TAFA2: variants seen among roughly 807,000 people sequenced by gnomAD.
The protein encoded by TAFA2 is chemokine-like protein TAFA-2.
Under a neutral mutation model 18.8 loss-of-function variants are expected in TAFA2, and 7 were observed. That is an observed-to-expected ratio of 0.37 (90% CI 0.21 to 0.70). TAFA2 has a LOEUF of 0.70. Ranked by LOEUF, TAFA2 falls within the 30% of genes least tolerant of loss-of-function variation. The probability of loss-of-function intolerance (pLI) is 0.53; values close to 1 mark genes in which losing one functional copy is unlikely to be tolerated. For missense variants in TAFA2, 122 were observed against 158.1 expected, an observed-to-expected ratio of 0.77 and a Z score of 1.23; for synonymous variants, 60 against 54.2, an observed-to-expected ratio of 1.11 and a Z score of -0.47.
chr12:62,234,598 C>G (rs1459220525), intron 1 of TAFA2: 1 of 823,174 alleles, frequency 1.2e-6, no homozygotes, highest in South Asian at 1.3e-5. Flanking sequence ...ACACCTTTCC[C>G]GTTGCACAAA....
At chr12:62,243,263 A>C (rs1055949529) in intron 1 of TAFA2, among the ~76,000 whole-genome samples, 24 of 152,194 alleles carry the variant, frequency 1.6e-4, no homozygotes, top group Non-Finnish European at 2.2e-4. Flanking sequence ...CTGATAAAAG[A>C]AGCATGGCAG....
rs113174882 is a variant in TAFA2, at chr12:61,921,654, A to G, written c.-1-54228T>C. 7.3e-3 allele frequency among the ~76,000 whole-genome samples: 1,114 copies of G among 152,280 alleles called. 14 individuals carry two copies. Among genetic ancestry groups the G allele is most frequent in the African/African-American group, 0.025 (1,058 of 41,550 alleles). ...ATTTGAGCTGTCTATTAATTCTGCAATTAGAATTGTTCAATAAAGTAACTG... is the reference window on the plus strand; with the variant it reads ...ATTTGAGCTGTCTATTAATTCTGCAGTTAGAATTGTTCAATAAAGTAACTG... On this transcript the variant is annotated intron_variant, in intron 1 of 4. Transcript: ENST00000416284.
At chr12:62,144,098 T>C (rs2062261450) in intron 1 of TAFA2, among the ~76,000 whole-genome samples, 1 of 139,638 alleles carries the variant, frequency 7.2e-6, no homozygotes, top group Admixed American at 7.2e-5. Flanking sequence ...ACGATGACCA[T>C]AGAGTTGATA....
At chr12:61,836,756 T>TATATATATATATATATATATATACATAC (rs68158949) in intron 2 of TAFA2, among the ~76,000 whole-genome samples, 2 of 119,842 alleles carry the variant, frequency 1.7e-5, no homozygotes, top group East Asian at 5.5e-4. Flanking sequence ...TATATATATA[T>TATATATATATATATATATATATACATAC]ACACACACAC....
chr12:61,947,529 A>C (rs1878320006), intron 1 of TAFA2, among the ~76,000 whole-genome samples: 1 of 152,128 alleles, frequency 6.6e-6, no homozygotes, highest in Admixed American at 6.6e-5. Flanking sequence ...GCTTCTCACA[A>C]AACCTGAAAA....
rs149441697 is a variant in TAFA2 at position 62,029,440 on chromosome 12, T to A, written c.-2+161819A>T. On this transcript the variant is annotated intron_variant, in intron 1 of 4. Coordinates refer to ENST00000416284, the MANE Select transcript of TAFA2 (RefSeq NM_178539.5). Reference sequence around the variant, plus strand: ...GTTAACAAACTCATCTAAGGTCACATAGCTAATAATTAGCAGGTTGTCTGC... The same window carrying A: ...GTTAACAAACTCATCTAAGGTCACAAAGCTAATAATTAGCAGGTTGTCTGC... Among the ~76,000 whole-genome samples the A allele has an allele frequency of 3.3e-3, 507 of 152,276 alleles. 4 individuals are homozygous for A. Among genetic ancestry groups the A allele is most frequent in the African/African-American group, 0.011 (472 of 41,558 alleles).
chr12:61,753,196 T>C (rs1439484624), intron 4 of TAFA2, among the ~76,000 whole-genome samples: 1 of 152,048 alleles, frequency 6.6e-6, no homozygotes, highest in East Asian at 1.9e-4. Context: ...AATAATTACT[T>C]TCATAAAACT....
chr12:62,215,300 C>G (rs2136975267), intron 1 of TAFA2, among the ~76,000 whole-genome samples: 1 of 152,224 alleles, frequency 6.6e-6, no homozygotes, highest in South Asian at 2.1e-4. Flanking sequence ...TGTGTCTTAT[C>G]TCTAAATCAT....
chr12:62,128,374 G>A (rs1011896018), intron 1 of TAFA2, among the ~76,000 whole-genome samples: 2 of 151,976 alleles, frequency 1.3e-5, no homozygotes, highest in South Asian at 2.1e-4. Flanking sequence ...GAAACTCAGA[G>A]GTTGTGAAAC....
chr12:61,952,375 A>ATCAAACTT (rs1878500442), intron 1 of TAFA2, among the ~76,000 whole-genome samples: 1 of 152,192 alleles, frequency 6.6e-6, no homozygotes, highest in Non-Finnish European at 1.5e-5. Context: ...GAAGGTTTAT[A>ATCAAACTT]TCAAACTTTT....
At chr12:61,988,579 A>T (rs1014350979) in intron 1 of TAFA2, among the ~76,000 whole-genome samples, 1 of 152,172 alleles carries the variant, frequency 6.6e-6, no homozygotes, top group African/African-American at 2.4e-5. Context: ...TATTGAAAGC[A>T]CCTACTATGT....
intron 1 of TAFA2, among the ~76,000 whole-genome samples, chr12:62,164,798 G>A (rs114048747): frequency 0.011 from 1,689 of 152,128 alleles, 28 homozygotes; most frequent in African/African-American, 0.034. Flanking sequence ...AGGACATTGA[G>A]GATCACATAA....
upstream of TAFA2, among the ~76,000 whole-genome samples, chr12:62,194,433 A>T (rs570088481): frequency 1.3e-5 from 2 of 152,164 alleles, no homozygotes; most frequent in Non-Finnish European, 2.9e-5. Context: ...TTTTATTTGT[A>T]TTGTTTAAGT....
At chr12:62,117,178 T>C (rs1869998337) in intron 1 of TAFA2, among the ~76,000 whole-genome samples, 2 of 152,206 alleles carry the variant, frequency 1.3e-5, no homozygotes, top group African/African-American at 4.8e-5. Context: ...AACAAACAGA[T>C]GTGAATAAGT....
At chr12:61,997,461 G>A (rs1222616178) in intron 1 of TAFA2, among the ~76,000 whole-genome samples, 1 of 152,050 alleles carries the variant, frequency 6.6e-6, no homozygotes, top group Non-Finnish European at 1.5e-5. Flanking sequence ...ATGAGCAGGG[G>A]CAACAGTGGA....
chr12:61,915,249 TAG>T (rs1293266162), intron 1 of TAFA2, among the ~76,000 whole-genome samples: 1 of 152,200 alleles, frequency 6.6e-6, no homozygotes, highest in Non-Finnish European at 1.5e-5. Context: ...TTTCGATTAA[TAG>T]AGTTTAAGGT....
intron 1 of TAFA2, among the ~76,000 whole-genome samples, chr12:62,056,958 A>G: frequency 6.6e-6 from 1 of 152,328 alleles, no homozygotes; most frequent in East Asian, 1.9e-4. Flanking sequence ...AAAGGCCTGT[A>G]GTTTTTAGTC....
chr12:61,885,647 A>C (rs1875342553), intron 1 of TAFA2, among the ~76,000 whole-genome samples: 1 of 152,188 alleles, frequency 6.6e-6, no homozygotes, highest in African/African-American at 2.4e-5. Context: ...AAGAATGAAA[A>C]CTGATCACTG....
Position 62,031,539 on chromosome 12 carries a change from T to C in TAFA2, c.-2+159720A>G, listed in dbSNP as rs145699583. 4.8e-3 allele frequency among the ~76,000 whole-genome samples: 733 copies of C among 152,256 alleles called. 8 individuals are homozygous for C. Among genetic ancestry groups the C allele is most frequent in the African/African-American group, 0.017 (698 of 41,546 alleles). On this transcript the variant is annotated intron_variant, in intron 1 of 4. Transcript: ENST00000416284. ...AACACACACACACACATCCTATTAG[T>C]TCTGTCCCTCTAAAGAGCCCTGACT...
Sources: allele counts gnomAD v4.1 joint callset (sites outside exome capture counted in the v4.1 genomes callset), GRCh38; gene constraint gnomAD v4.1.1; transcripts MANE v1.5; gene names NCBI Gene and HGNC (gene_info 2026-07-23, HGNC 2026-07-21).